DCC: variants seen among roughly 807,000 people sequenced by gnomAD.
The protein encoded by DCC is DCC netrin 1 receptor, also known as netrin receptor DCC.
Under a neutral mutation model 172.5 loss-of-function variants are expected in DCC, and 58 were observed. The ratio of observed to expected loss-of-function variants is 0.34; its 90% CI spans 0.27 to 0.42. The LOEUF (loss-of-function observed/expected upper bound fraction) is 0.42, where lower values mean the gene tolerates loss of function less well. Ranked by LOEUF, DCC falls within the 10% of genes least tolerant of loss-of-function variation. The probability of loss-of-function intolerance (pLI) is 1.00; values close to 1 mark genes in which losing one functional copy is unlikely to be tolerated. For missense variants in DCC, 1,740 were observed against 1,791.0 expected (o/e 0.97, Z 0.51); for synonymous variants, 709 against 644.5 (o/e 1.10, Z -1.52).
At chr18:53,405,250 G>A (rs904158015) in intron 19 of DCC, among the ~76,000 whole-genome samples, 2 of 151,520 alleles carry the variant, frequency 1.3e-5, no homozygotes, top group Non-Finnish European at 2.9e-5. Context: ...GTGTGCCAAG[G>A]AGGGATGTGC....
chr18:53,361,117 A>G (rs2057940087), intron 15 of DCC, among the ~76,000 whole-genome samples: 1 of 152,182 alleles, frequency 6.6e-6, no homozygotes. Flanking sequence ...GGAGAAGGTC[A>G]TGTGAACACA....
Position 53,470,656 on chromosome 18 carries a change from A to G in DCC, c.3736+2646A>G, listed in dbSNP as rs1053625752. Among the ~76,000 whole-genome samples the G allele has an allele frequency of 2.6e-5, 4 of 152,184 alleles. No individual in the cohort carries two copies. In the East Asian group the frequency reaches 7.7e-4, roughly 29 times the overall value. ...AGTTCTGCATGGCTGAGGAGGCCTC[A>G]TGAAACTCAGAATCATGGCGGAAGG... is the stretch of plus-strand genomic sequence containing the variant. On this transcript the variant is annotated intron_variant, in intron 25 of 28. Transcript: ENST00000442544.
intron 1 of DCC, among the ~76,000 whole-genome samples, chr18:52,568,753 G>A (rs921730): frequency 0.017 from 2,568 of 152,176 alleles, 29 homozygotes; most frequent in South Asian, 0.026. Flanking sequence ...GGTGAGCTGC[G>A]AGAATTCAGC....
chr18:52,903,410 T>C (rs986304308), intron 2 of DCC, among the ~76,000 whole-genome samples: 5 of 152,118 alleles, frequency 3.3e-5, no homozygotes, highest in African/African-American at 1.2e-4. Flanking sequence ...TTTCATCATG[T>C]TGCCCAGGCT....
chr18:52,954,383 T>C (rs1390114025), intron 5 of DCC, among the ~76,000 whole-genome samples: 1 of 152,214 alleles, frequency 6.6e-6, no homozygotes, highest in Non-Finnish European at 1.5e-5. Context: ...ATGTAATTTG[T>C]CATTTTACTA....
At chr18:52,723,954 T>C (rs1015888940) in intron 1 of DCC, among the ~76,000 whole-genome samples, 3 of 152,142 alleles carry the variant, frequency 2.0e-5, no homozygotes, top group Admixed American at 2.0e-4. Context: ...CTGTCAACAC[T>C]GTCTCAGAAG....
At chr18:53,259,173 G>T (rs2056562045) in intron 12 of DCC, among the ~76,000 whole-genome samples, 1 of 152,116 alleles carries the variant, frequency 6.6e-6, no homozygotes, top group African/African-American at 2.4e-5. Flanking sequence ...CAATTTGCCA[G>T]TCTGTGTCTT....
At chr18:53,300,641 C>A (rs1396972527) in intron 12 of DCC, among the ~76,000 whole-genome samples, 1 of 152,134 alleles carries the variant, frequency 6.6e-6, no homozygotes, top group Non-Finnish European at 1.5e-5. Flanking sequence ...AATATTGTAA[C>A]CAGAGGCTTG....
chr18:52,762,009 TC>T (rs1395577865), intron 2 of DCC, among the ~76,000 whole-genome samples: 1 of 152,052 alleles, frequency 6.6e-6, no homozygotes, highest in East Asian at 1.9e-4. Flanking sequence ...TATCACAGGT[TC>T]TTAACCAGCG....
At chr18:52,665,181 T>G (rs954372404) in intron 1 of DCC, among the ~76,000 whole-genome samples, 3 of 152,162 alleles carry the variant, frequency 2.0e-5, no homozygotes, top group South Asian at 4.1e-4. Context: ...GGACATTGAG[T>G]TTGATGTGTG....
At chr18:52,664,947 A>G (rs556228953) in intron 1 of DCC, among the ~76,000 whole-genome samples, 37 of 152,320 alleles carry the variant, frequency 2.4e-4, no homozygotes, top group African/African-American at 8.9e-4. Flanking sequence ...AGCCTCTCAG[A>G]TGCTGCCCTC....
chr18:52,697,798 G>T (rs563340328), intron 1 of DCC, among the ~76,000 whole-genome samples: 1 of 152,278 alleles, frequency 6.6e-6, no homozygotes, highest in South Asian at 2.1e-4. Flanking sequence ...AGATTCCATT[G>T]TAGAACAGCT....
intron 1 of DCC, among the ~76,000 whole-genome samples, chr18:52,621,389 G>C (rs959052469): frequency 5.3e-5 from 8 of 152,160 alleles, no homozygotes; most frequent in Admixed American, 3.9e-4. Context: ...AAGGAGGTAG[G>C]CTATGGCAAA....
chr18:52,987,365 G>C (rs1262262354), intron 5 of DCC, among the ~76,000 whole-genome samples: 1 of 152,124 alleles, frequency 6.6e-6, no homozygotes, highest in Non-Finnish European at 1.5e-5. Context: ...AAAATGCAAA[G>C]CACTGCAGAT....
chr18:53,072,564 G>T (rs556699201), intron 7 of DCC, among the ~76,000 whole-genome samples: 2 of 152,300 alleles, frequency 1.3e-5, no homozygotes, highest in South Asian at 4.1e-4. Flanking sequence ...TACGATAGGG[G>T]CATACGTAGT....
rs555283079 is a variant in DCC at position 53,204,638 on chromosome 18, T to G, written c.1574-578T>G. ...AGACAAGTTATTTATCCTTCTTAAG[T>G]AACAATAATAAGAGAAAATGTAATA... On this transcript the variant is annotated intron_variant, in intron 9 of 28. Transcript: ENST00000442544. Among the ~76,000 whole-genome samples the G allele has an allele frequency of 5.9e-5, 9 of 152,078 alleles. No homozygotes were observed. In the East Asian group the frequency reaches 1.2e-3, roughly 20 times the overall value.
intron 15 of DCC, among the ~76,000 whole-genome samples, chr18:53,358,800 G>A (rs1373794328): frequency 2.6e-5 from 4 of 151,984 alleles, no homozygotes; most frequent in Non-Finnish European, 5.9e-5. Flanking sequence ...GACTACAGGC[G>A]TGAGCCACCA....
chr18:53,024,161 A>G (rs1230369094), intron 5 of DCC, among the ~76,000 whole-genome samples: 2 of 152,170 alleles, frequency 1.3e-5, no homozygotes, highest in African/African-American at 4.8e-5. Context: ...TTAGCTCAGG[A>G]CGTTTAACTT....
At chr18:53,110,433 T>C (rs1032907003) in intron 7 of DCC, among the ~76,000 whole-genome samples, 4 of 151,648 alleles carry the variant, frequency 2.6e-5, no homozygotes, top group Non-Finnish European at 5.9e-5. Flanking sequence ...TTTAAGAACA[T>C]CCAAACCCAA....
Sources: gnomAD v4.1 joint callset for allele counts (sites outside exome capture counted in the v4.1 genomes callset) on GRCh38, gnomAD v4.1.1 for gene constraint, MANE v1.5 for transcripts, NCBI Gene and HGNC (gene_info 2026-07-23, HGNC 2026-07-21) for gene names.